Variants in CSMD1 observed in about 807,000 individuals in gnomAD.
CSMD1 encodes the protein CUB and sushi domain-containing protein 1.
A neutral mutation model predicts 417.5 loss-of-function variants in CSMD1; 213 were observed. That is an observed-to-expected ratio of 0.51 (90% CI 0.46 to 0.57). The LOEUF (loss-of-function observed/expected upper bound fraction) is 0.57, where lower values mean the gene tolerates loss of function less well. Ranked by LOEUF, CSMD1 falls within the 20% of genes least tolerant of loss-of-function variation. CSMD1 has a pLI of 0.00. For synonymous variants in CSMD1, 2,862 were observed against 1,736.8 expected (o/e 1.65, Z -16.11); for missense variants, 6,923 against 4,529.7 (o/e 1.53, Z -15.17).
chr8:3,443,645 A>G (rs1353918148), intron 12 of CSMD1, among the ~76,000 whole-genome samples: 1 of 152,226 alleles, frequency 6.6e-6, no homozygotes, highest in African/African-American at 2.4e-5. Context: ...GTGGAATATC[A>G]AAGTATGCAA....
intron 3 of CSMD1, among the ~76,000 whole-genome samples, chr8:4,416,400 A>C (rs1048041511): frequency 6.6e-6 from 1 of 152,124 alleles, no homozygotes; most frequent in Middle Eastern, 3.2e-3. Flanking sequence ...TATTTAAATT[A>C]TTGAAGTCCA....
At chr8:3,260,682 T>A (rs1360757160) in intron 26 of CSMD1, among the ~76,000 whole-genome samples, 1 of 151,710 alleles carries the variant, frequency 6.6e-6, no homozygotes, top group African/African-American at 2.4e-5. Flanking sequence ...TAATACGTGG[T>A]TCTTGAGTAT....
chr8:4,509,885 C>T (rs562855701), intron 2 of CSMD1, among the ~76,000 whole-genome samples: 13 of 152,124 alleles, frequency 8.5e-5, no homozygotes, highest in South Asian at 2.1e-4. Context: ...CAGCTCCTGT[C>T]GCCCTGACAG....
intron 50 of CSMD1, among the ~76,000 whole-genome samples, chr8:3,030,826 C>T (rs1810296412): frequency 6.6e-6 from 1 of 152,000 alleles, no homozygotes. Flanking sequence ...TTGAGTCAGG[C>T]ATAACCAAAA....
At chr8:4,320,782 C>T (rs1181460238) in intron 3 of CSMD1, among the ~76,000 whole-genome samples, 1 of 152,062 alleles carries the variant, frequency 6.6e-6, no homozygotes, top group African/African-American at 2.4e-5. Context: ...ATTGGTGATT[C>T]CTCAAGGATC....
chr8:3,330,624 T>G (rs1334226799), intron 23 of CSMD1, among the ~76,000 whole-genome samples: 1 of 152,044 alleles, frequency 6.6e-6, no homozygotes, highest in Non-Finnish European at 1.5e-5. Context: ...AGGGAGAGGA[T>G]CAGCAAACAT....
chr8:4,042,915 C>G (rs770761855), intron 3 of CSMD1, among the ~76,000 whole-genome samples: 2 of 143,510 alleles, frequency 1.4e-5, no homozygotes, highest in African/African-American at 5.1e-5. Context: ...ATTATGAGTT[C>G]AGGAGTTCAA....
intron 7 of CSMD1, among the ~76,000 whole-genome samples, chr8:3,660,269 C>G (rs1163833219): frequency 6.6e-6 from 1 of 152,050 alleles, no homozygotes; most frequent in Non-Finnish European, 1.5e-5. Flanking sequence ...CATTCTTTGC[C>G]TATGTTTTTC....
chr8:4,558,362 T>G lies in CSMD1; in HGVS notation c.302+78980A>C, dbSNP rs7012057. On this transcript the variant is annotated intron_variant, in intron 2 of 69. Coordinates refer to ENST00000635120, the MANE Select transcript of CSMD1 (RefSeq NM_033225.6). The stretch of plus-strand genomic sequence containing the variant: ...TAAAACTCTCCGTAGTATTATATTA[T>G]GAAGCACCATCACTAAAACGTATTT... 3.5e-3 allele frequency among the ~76,000 whole-genome samples: 540 copies of G among 152,342 alleles called. 3 individuals carry two copies. The highest frequency in any genetic ancestry group is 0.013 in the African/African-American group (528 of 41,582).
intron 5 of CSMD1, among the ~76,000 whole-genome samples, chr8:3,776,116 C>T (rs1798872637): frequency 6.6e-6 from 1 of 152,116 alleles, no homozygotes; most frequent in Non-Finnish European, 1.5e-5. Context: ...ATCCTTCCTT[C>T]CTTCTTCTTA....
intron 2 of CSMD1, among the ~76,000 whole-genome samples, chr8:4,487,473 T>C (rs1322594633): frequency 1.3e-5 from 2 of 152,212 alleles, no homozygotes; most frequent in African/African-American, 2.4e-5. Context: ...ATTTCATCCA[T>C]GTCCCTACAA....
At chr8:3,192,560 G>A (rs1297806136) in intron 33 of CSMD1, among the ~76,000 whole-genome samples, 11 of 152,286 alleles carry the variant, frequency 7.2e-5, no homozygotes, top group South Asian at 4.2e-4. Flanking sequence ...AATAGGTCAC[G>A]AGCCAGATGG....
chr8:3,381,995 C>A (rs1253761703), intron 18 of CSMD1, among the ~76,000 whole-genome samples: 1 of 152,094 alleles, frequency 6.6e-6, no homozygotes, highest in Non-Finnish European at 1.5e-5. Flanking sequence ...CGGTGGCTCA[C>A]ATCTATAATC....
chr8:3,164,182 C>A (rs1164589433), intron 37 of CSMD1, among the ~76,000 whole-genome samples: 1 of 152,150 alleles, frequency 6.6e-6, no homozygotes, highest in Non-Finnish European at 1.5e-5. Flanking sequence ...GCTACGGAAT[C>A]CAGGTCAGAA....
chr8:4,457,949 C>G (rs184030819), intron 2 of CSMD1, among the ~76,000 whole-genome samples: 1 of 152,122 alleles, frequency 6.6e-6, no homozygotes, highest in Non-Finnish European at 1.5e-5. Context: ...TCAACCCAGG[C>G]AGAAAAACCC....
intron 3 of CSMD1, among the ~76,000 whole-genome samples, chr8:4,187,586 G>A (rs1798758520): frequency 1.4e-5 from 2 of 146,498 alleles, no homozygotes; most frequent in South Asian, 2.2e-4. Context: ...TAATGTAGGA[G>A]AATCGCTTGA....
At chr8:3,144,798 G>A (rs5888948) in intron 40 of CSMD1, among the ~76,000 whole-genome samples, 5 of 86,900 alleles carry the variant, frequency 5.8e-5, no homozygotes, top group Non-Finnish European at 7.8e-5. Context: ...GCAACAAGGG[G>A]GGGGGGGAGG....
At chr8:4,019,554 G>C (rs916328365) in intron 4 of CSMD1, among the ~76,000 whole-genome samples, 4 of 152,154 alleles carry the variant, frequency 2.6e-5, no homozygotes, top group East Asian at 1.9e-4. Context: ...CTCTGTGCCT[G>C]AGCTGTCGTA....
chr8:4,419,091 G>T (rs759013993), intron 3 of CSMD1, among the ~76,000 whole-genome samples: 1 of 152,120 alleles, frequency 6.6e-6, no homozygotes, highest in Non-Finnish European at 1.5e-5. Flanking sequence ...TTCCCAGTAA[G>T]AATATATAAT....
Sources: allele counts gnomAD v4.1 joint callset (sites outside exome capture counted in the v4.1 genomes callset), GRCh38; gene constraint gnomAD v4.1.1; transcripts MANE v1.5; gene names NCBI Gene and HGNC (gene_info 2026-07-23, HGNC 2026-07-21).